FBXO7: variants seen among roughly 807,000 people sequenced by gnomAD.
FBXO7 encodes the protein F-box protein 7.
A neutral mutation model predicts 50.2 loss-of-function variants in FBXO7; 31 were observed. The ratio of observed to expected loss-of-function variants is 0.62; its 90% CI spans 0.46 to 0.83. FBXO7 has a LOEUF of 0.83. Among genes scored for constraint, FBXO7 ranks in the 40% least tolerant of loss-of-function variants. The probability of loss-of-function intolerance (pLI) is 0.00; values close to 1 mark genes in which losing one functional copy is unlikely to be tolerated. For synonymous variants in FBXO7, 256 were observed against 253.1 expected (o/e 1.01, Z -0.11); for missense variants, 667 against 646.6 (o/e 1.03, Z -0.34).
chr22:32,479,805 C>T lies in FBXO7; in HGVS notation c.417+530C>T, dbSNP rs144075961. 1.0e-3 allele frequency among the ~76,000 whole-genome samples: 156 copies of T among 152,290 alleles called. 1 individual carries two copies. The highest frequency in any genetic ancestry group is 1.9e-3 in the Non-Finnish European group (132 of 68,020). On this transcript the variant is annotated intron_variant, in intron 2 of 8. Coordinates refer to ENST00000266087, the MANE Select transcript of FBXO7 (RefSeq NM_012179.4). ...TCTGTCTGTTTTGTTCACATACTCT[C>T]CTTCAGATCAGTTATTCCTTGACTT...
At chr22:32,491,536 TACATATATATATGTCTATATAG>T (rs2057535481) in intron 6 of FBXO7, 1 of 201,444 alleles carries the variant, frequency 5.0e-6, no homozygotes, top group Non-Finnish European at 1.0e-5. Context: ...TCTGTGTAGA[TACATATATATATGTCTATATAG>T]ACATATATTT....
rs372690404 is a variant in FBXO7 at position 32,481,784 on chromosome 22, G to C, written c.418-2113G>C. On this transcript the variant is annotated intron_variant, in intron 2 of 8. Transcript: ENST00000266087. ...AATGAGAAACGGGTAGCAGGTATCA[G>C]AACCTAATATTAGCTCTCATGCATC... Among the ~76,000 whole-genome samples, 6 of 152,260 alleles carry C rather than the reference G, an allele frequency of 3.9e-5. No homozygotes were observed. In the East Asian group the frequency reaches 7.7e-4, roughly 20 times the overall value.
intron 2 of FBXO7, among the ~76,000 whole-genome samples, chr22:32,479,717 A>T (rs749018647): frequency 6.6e-6 from 1 of 152,114 alleles, no homozygotes; most frequent in African/African-American, 2.4e-5. Flanking sequence ...TTTATAGAAT[A>T]TATTTTTTTT....
chr22:32,495,268 A>G (rs1327679855), intron 7 of FBXO7, among the ~76,000 whole-genome samples: 2 of 152,200 alleles, frequency 1.3e-5, no homozygotes, highest in African/African-American at 4.8e-5. Context: ...TTGAATTACC[A>G]TGTAGCACAG....
At chr22:32,485,903 T>C (rs2057495615) in intron 4 of FBXO7, among the ~76,000 whole-genome samples, 1 of 152,234 alleles carries the variant, frequency 6.6e-6, no homozygotes, top group Admixed American at 6.5e-5. Flanking sequence ...GGAGATCCAT[T>C]TGAATGACTA....
In FBXO7 at chr22:32,485,049, C is replaced by G; in HGVS notation, c.646-19C>G. ...ACACCTTTCTTCATTATTTGTTTCC[C>G]TTTCATTTCGTTCCCCAGGGCACCG... On this transcript the variant is annotated intron_variant, in intron 3 of 8. Transcript: ENST00000266087. The G allele has an allele frequency of 6.2e-7, 1 of 1,613,898 alleles. No homozygotes were observed. Among genetic ancestry groups the G allele is most frequent in the Admixed American group, 1.7e-5 (1 of 60,008 alleles).
Position 32,487,767 on chromosome 22 carries a change from G to A in FBXO7, c.810G>A (p.Glu270=). 8 of 1,608,878 alleles carry A rather than the reference G, an allele frequency of 5.0e-6. No homozygotes were observed. The highest frequency in any genetic ancestry group is 6.8e-6 in the Non-Finnish European group (8 of 1,175,838). ...CAGCTACACTAAAAATCAACAATGAGATTAGAAGTGTGAAAAGATTGCAGC... is the reference window on the plus strand; with the variant it reads ...CAGCTACACTAAAAATCAACAATGAAATTAGAAGTGTGAAAAGATTGCAGC... ...VVNATLKINN[E]IRSVKRLQLL... Residue 270 remains glutamate (E), a synonymous_variant, in exon 5 of 9, where the codon GAG becomes GAA. Transcript: ENST00000266087.
chr22:32,475,207 G>C, intron 1 of FBXO7, 83 bp downstream of exon 1: 1 of 1,510,260 alleles, frequency 6.6e-7, no homozygotes, highest in Non-Finnish European at 8.8e-7. Context: ...GTCATCTGTG[G>C]GCTGCAGGCG....
chr22:32,487,751 TA>T lies in FBXO7; in HGVS notation c.799del (p.Ile267SerfsTer8). The T allele has an allele frequency of 6.2e-7, 1 of 1,604,114 alleles. No homozygotes were observed. Among genetic ancestry groups the T allele is most frequent in the Non-Finnish European group, 8.5e-7 (1 of 1,171,754 alleles). ...LGNLIVVNAT[L>X]KINNEIRSVK... is the part of the protein sequence containing the mutation. Reference sequence around the variant, plus strand: ...TTCTTTTGTTTATTTACAGCTACACTAAAAATCAACAATGAGATTAGAAGTG... The same window carrying T: ...TTCTTTTGTTTATTTACAGCTACACTAAAATCAACAATGAGATTAGAAGTG... On this transcript the variant is annotated frameshift_variant, in exon 5 of 9. Coordinates refer to ENST00000266087, the MANE Select transcript of FBXO7 (RefSeq NM_012179.4). LOFTEE classifies it high-confidence loss of function.
At chr22:32,487,928 T>A in intron 5 of FBXO7, 100 bp downstream of exon 5, 1 of 767,960 alleles carries the variant, frequency 1.3e-6, no homozygotes, top group Non-Finnish European at 2.2e-6. Flanking sequence ...AATTTCTATA[T>A]GAGATTAAAG....
At chr22:32,491,004 A>T (rs1487083066) in intron 5 of FBXO7, 82 bp from the exon 6 acceptor site, 1 of 916,178 alleles carries the variant, frequency 1.1e-6, no homozygotes, top group East Asian at 2.4e-5. Context: ...TTTATTCACC[A>T]TGTTGATTGG....
chr22:32,495,312 T>G (rs2057565797), intron 7 of FBXO7, among the ~76,000 whole-genome samples, 181 bp from the exon 8 acceptor site: 1 of 151,966 alleles, frequency 6.6e-6, no homozygotes, highest in Non-Finnish European at 1.5e-5. Context: ...ATCAATAAAG[T>G]GTTTGAATTA....
At chr22:32,497,086 G>T (rs529969390) in intron 8 of FBXO7, among the ~76,000 whole-genome samples, 1 of 152,334 alleles carries the variant, frequency 6.6e-6, no homozygotes, top group South Asian at 2.1e-4. Context: ...CTGAATTGCT[G>T]CAGTCTCACA....
At chr22:32,480,078 A>C (rs955763067) in intron 2 of FBXO7, among the ~76,000 whole-genome samples, 1 of 152,168 alleles carries the variant, frequency 6.6e-6, no homozygotes, top group Non-Finnish European at 1.5e-5. Context: ...GCCCATTAAT[A>C]AGCTTTGTCA....
chr22:32,487,722 ATCTT>A lies in FBXO7; in HGVS notation c.788-17_788-14del. On this transcript the variant is annotated intron_variant, in intron 4 of 8. Coordinates refer to ENST00000266087, the MANE Select transcript of FBXO7 (RefSeq NM_012179.4). ...TGATGAAGTGACAGAATTCTTTATC[ATCTT>A]TCTTTTGTTTATTTACAGCTACACT... is the stretch of plus-strand genomic sequence containing the variant. 1 of 1,502,460 alleles carries A rather than the reference ATCTT, an allele frequency of 6.7e-7. No individual in the cohort carries two copies. The highest frequency in any genetic ancestry group is 1.1e-5 in the South Asian group (1 of 87,704). 93.1% of individuals were successfully genotyped at this position (1,502,460 alleles called of 1,614,324 possible).
intron 2 of FBXO7, 57 bp downstream of exon 2, chr22:32,479,332 C>T: frequency 1.3e-6 from 2 of 1,501,336 alleles, no homozygotes; most frequent in East Asian, 4.5e-5. Context: ...TATTGAACAC[C>T]TCAGTTGAAT....
At chr22:32,477,496 A>T (rs2057436532) in intron 1 of FBXO7, among the ~76,000 whole-genome samples, 1 of 152,156 alleles carries the variant, frequency 6.6e-6, no homozygotes, top group Non-Finnish European at 1.5e-5. Flanking sequence ...AAAGAATGGG[A>T]GTTTGTTGCT....
chr22:32,493,246 T>A lies in FBXO7; in HGVS notation c.1109T>A (p.Leu370His). 6.2e-7 allele frequency: 1 copy of A among 1,614,122 alleles called. No individual in the cohort carries two copies. Among genetic ancestry groups the A allele is most frequent in the Non-Finnish European group, 8.5e-7 (1 of 1,179,968 alleles). The change falls in exon 7 of 9, where the codon CTC becomes CAC. Residue 370 changes from leucine (L) to histidine (H), a missense_variant. Physicochemically the swap from Leu to His is moderately conservative, Grantham distance 99. Coordinates refer to ENST00000266087, the MANE Select transcript of FBXO7 (RefSeq NM_012179.4). ...RDLFTASNDPLLWRFLYLRDF... is the reference protein window; with the variant it reads ...RDLFTASNDPHLWRFLYLRDF... ...CTCTTTACTGCTTCAAATGACCCAC[T>A]CCTGTGGAGGTTTTTATATCTGCGT... is the stretch of plus-strand genomic sequence containing the variant.
chr22:32,482,491 CTT>C (rs1242677284), intron 2 of FBXO7, among the ~76,000 whole-genome samples: 1 of 152,142 alleles, frequency 6.6e-6, no homozygotes, highest in Non-Finnish European at 1.5e-5. Flanking sequence ...TCTGAGCAAA[CTT>C]AATATAGGTA....
Sources: gnomAD v4.1 joint callset for allele counts (sites outside exome capture counted in the v4.1 genomes callset) on GRCh38, gnomAD v4.1.1 for gene constraint, MANE v1.5 for transcripts, NCBI Gene and HGNC (gene_info 2026-07-23, HGNC 2026-07-21) for gene names.